LAMA2: variants seen among roughly 807,000 people sequenced by gnomAD.
LAMA2 encodes laminin subunit alpha-2.
In LAMA2, 269 loss-of-function variants were observed where a neutral mutation model predicts 364.8. The observed-to-expected ratio is 0.74, with a 90% confidence interval of 0.67 to 0.82. The LOEUF is 0.82. Among genes scored for constraint, LAMA2 ranks in the 40% least tolerant of loss-of-function variants. The probability of loss-of-function intolerance (pLI) is 0.00; values close to 1 mark genes in which losing one functional copy is unlikely to be tolerated. For missense variants in LAMA2, 3,807 were observed against 3,873.2 expected (o/e 0.98, Z 0.45); for synonymous variants, 1,379 against 1,370.6 (o/e 1.01, Z -0.14).
chr6:129,492,529 A>G, intron 58 of LAMA2, 46 bp downstream of exon 58: 2 of 1,521,066 alleles, frequency 1.3e-6, no homozygotes. Flanking sequence ...TTTACCCAGT[A>G]TTCTGAGTCA....
intron 41 of LAMA2, among the ~76,000 whole-genome samples, chr6:129,433,476 C>T (rs10872342): frequency 0.51 from 77,686 of 151,924 alleles, 20,677 homozygotes; most frequent in African/African-American, 0.67. Context: ...TCACTTATGC[C>T]TGTAATCCCA....
intron 4 of LAMA2, among the ~76,000 whole-genome samples, chr6:129,129,721 G>A (rs1276451408): frequency 4.0e-5 from 6 of 151,798 alleles, no homozygotes; most frequent in Admixed American, 3.9e-4. Context: ...TCAGGAGATC[G>A]AGACCATCCC....
chr6:129,086,436 G>A (rs140834371), intron 3 of LAMA2, among the ~76,000 whole-genome samples: 20 of 152,140 alleles, frequency 1.3e-4, no homozygotes, highest in African/African-American at 4.3e-4. Flanking sequence ...GTAAAATAAA[G>A]GCAAACTTGC....
intron 1 of LAMA2, among the ~76,000 whole-genome samples, chr6:128,957,217 A>G (rs928430148): frequency 6.6e-6 from 1 of 152,114 alleles, no homozygotes; most frequent in African/African-American, 2.4e-5. Context: ...GGTTGTATAT[A>G]AAGGTATTTG....
At chr6:129,435,471 G>A (rs1781788859) in intron 41 of LAMA2, among the ~76,000 whole-genome samples, 1 of 152,128 alleles carries the variant, frequency 6.6e-6, no homozygotes, top group Admixed American at 6.6e-5. Flanking sequence ...AAGATGAATT[G>A]TGATTGACAG....
intron 3 of LAMA2, among the ~76,000 whole-genome samples, chr6:129,078,475 A>G (rs941378315): frequency 5.3e-5 from 8 of 151,902 alleles, no homozygotes; most frequent in Non-Finnish European, 8.8e-5. Flanking sequence ...TTTGAACCTA[A>G]AATTCTCCCT....
rs1286097335 is a variant in LAMA2, at chr6:129,502,735, T to C, written c.8321T>C (p.Ile2774Thr). 1 of 1,613,822 alleles carries C rather than the reference T, an allele frequency of 6.2e-7. No homozygotes were observed. The highest frequency in any genetic ancestry group is 8.5e-7 in the Non-Finnish European group (1 of 1,179,720). ...TTCGGGCTTTCAAGAAACAGTCACA[T>C]TGCAATTGCATTTGATGACACCAAA... ...KQFGLSRNSH[I>T]AIAFDDTKVK... is the part of the protein sequence containing the mutation. Residue 2774 changes from isoleucine to threonine, a missense_variant, in exon 59 of 65, where the codon ATT becomes ACT. Physicochemically the swap from Ile to Thr is moderately conservative, Grantham distance 89. Coordinates refer to ENST00000421865, the MANE Select transcript of LAMA2 (RefSeq NM_000426.4).
In LAMA2 at chr6:129,492,411, A is replaced by G; in HGVS notation, c.8172A>G (p.Pro2724=). The part of the protein sequence containing the change: ...KLREDEDGAA[P]AEIVIQPEPV... ...GTGAAGATGAAGATGGAGCAGCTCC[A>G]GCTGAAATAGTTATCCAGCCTGAGC... is the stretch of plus-strand genomic sequence containing the variant. The change falls in exon 58 of 65, where the codon CCA becomes CCG. Residue 2724 remains proline (P), a synonymous_variant. Coordinates refer to ENST00000421865, the MANE Select transcript of LAMA2 (RefSeq NM_000426.4). The G allele has an allele frequency of 6.2e-7, 1 of 1,614,170 alleles. No homozygotes were observed. Among genetic ancestry groups the G allele is most frequent in the Non-Finnish European group, 8.5e-7 (1 of 1,179,982 alleles).
chr6:129,138,380 A>T (rs1487062399), intron 4 of LAMA2, among the ~76,000 whole-genome samples: 1 of 152,132 alleles, frequency 6.6e-6, no homozygotes, highest in African/African-American at 2.4e-5. Flanking sequence ...AGTAAAGGAA[A>T]ATTGACAGAA....
intron 34 of LAMA2, among the ~76,000 whole-genome samples, chr6:129,375,727 C>T (rs1475690140): frequency 6.6e-6 from 1 of 152,170 alleles, no homozygotes; most frequent in Non-Finnish European, 1.5e-5. Flanking sequence ...CTTCAATTGC[C>T]ATGTACAAGC....
intron 3 of LAMA2, among the ~76,000 whole-genome samples, chr6:129,088,591 G>A (rs1022141124): frequency 2.6e-5 from 4 of 151,912 alleles, no homozygotes; most frequent in Non-Finnish European, 5.9e-5. Context: ...CTCCCTCCCG[G>A]ACGGGGTGGC....
At chr6:129,413,940 C>G (rs551418410) in intron 40 of LAMA2, among the ~76,000 whole-genome samples, 1 of 152,076 alleles carries the variant, frequency 6.6e-6, no homozygotes, top group East Asian at 1.9e-4. Context: ...GACAAAACAG[C>G]AAGTTGATTC....
At chr6:129,182,877 T>A (rs996970420) in intron 10 of LAMA2, among the ~76,000 whole-genome samples, 1 of 151,832 alleles carries the variant, frequency 6.6e-6, no homozygotes, top group Non-Finnish European at 1.5e-5. Flanking sequence ...GTAATGCATG[T>A]TATATGTGCT....
intron 1 of LAMA2, among the ~76,000 whole-genome samples, chr6:128,911,633 T>C (rs1011837184): frequency 7.2e-5 from 11 of 152,220 alleles, no homozygotes; most frequent in African/African-American, 2.4e-4. Flanking sequence ...AGACCGGAGC[T>C]GTTCCTATTC....
intron 15 of LAMA2, among the ~76,000 whole-genome samples, chr6:129,266,657 A>G (rs1787535620): frequency 6.6e-6 from 1 of 152,134 alleles, no homozygotes; most frequent in African/African-American, 2.4e-5. Context: ...GGCAATTAGT[A>G]TATGGGCAAG....
rs145458008 is a variant in LAMA2 at position 129,200,900 on chromosome 6, C to T, written c.1782+8047C>T. On this transcript the variant is annotated intron_variant, in intron 12 of 64. Transcript: ENST00000421865. ...AAAAAATAAAATTTCTGCATCCTTA[C>T]TCCACATTATACATAAAAATAAACT... Among the ~76,000 whole-genome samples, 441 of 152,266 alleles carry T rather than the reference C, an allele frequency of 2.9e-3. 2 individuals are homozygous for T. Among genetic ancestry groups the T allele is most frequent in the African/African-American group, 0.01 (425 of 41,550 alleles).
chr6:129,066,865 G>A (rs2114810188), intron 3 of LAMA2, among the ~76,000 whole-genome samples: 1 of 152,304 alleles, frequency 6.6e-6, no homozygotes, highest in African/African-American at 2.4e-5. Flanking sequence ...AGCAGTAGAT[G>A]TCCACATGCA....
At chr6:129,105,044 C>A (rs1162029314) in intron 4 of LAMA2, among the ~76,000 whole-genome samples, 1 of 152,088 alleles carries the variant, frequency 6.6e-6, no homozygotes, top group Admixed American at 6.6e-5. Flanking sequence ...TGAGCAAAAG[C>A]CTTAAAACAG....
intron 3 of LAMA2, among the ~76,000 whole-genome samples, chr6:129,066,328 A>T (rs1789347718): frequency 6.6e-6 from 1 of 151,902 alleles, no homozygotes; most frequent in Admixed American, 6.6e-5. Flanking sequence ...TACAGGCGTG[A>T]GCCACCGCGC....
Sources: gnomAD v4.1 joint callset for allele counts (sites outside exome capture counted in the v4.1 genomes callset) on GRCh38, gnomAD v4.1.1 for gene constraint, MANE v1.5 for transcripts, NCBI Gene and HGNC (gene_info 2026-07-23, HGNC 2026-07-21) for gene names.